Variants in DYSF observed in about 807,000 individuals in gnomAD.
DYSF encodes dysferlin.
Under a neutral mutation model 274.9 loss-of-function variants are expected in DYSF, and 212 were observed. The ratio of observed to expected loss-of-function variants is 0.77; its 90% CI spans 0.69 to 0.86. The LOEUF is 0.86. Ranked by LOEUF, DYSF falls within the 40% of genes least tolerant of loss-of-function variation. The pLI is 0.00. For missense variants in DYSF, 2,666 were observed against 2,783.2 expected, an observed-to-expected ratio of 0.96 and a Z score of 0.95; for synonymous variants, 1,091 against 1,078.7, an observed-to-expected ratio of 1.01 and a Z score of -0.22.
chr2:71,537,740 A>G (rs2089528720), intron 16 of DYSF, among the ~76,000 whole-genome samples: 1 of 152,186 alleles, frequency 6.6e-6, no homozygotes, highest in Admixed American at 6.5e-5. Flanking sequence ...TAGGGTTAGG[A>G]TTTCAAAGAA....
chr2:71,617,731 AGGT>A (rs2093925171), intron 40 of DYSF, among the ~76,000 whole-genome samples: 2 of 106,174 alleles, frequency 1.9e-5, no homozygotes, highest in Admixed American at 9.7e-5. Flanking sequence ...TGTGTGGTAG[AGGT>A]GGTGTGTGTG....
chr2:71,453,731 A>G, exon 1 of DYSF: 3 of 536,652 alleles, frequency 5.6e-6, no homozygotes, highest in Non-Finnish European at 1.0e-5. Flanking sequence ...GGGGTGGAAG[A>G]TGAGCAGAAG....
intron 3 of DYSF, among the ~76,000 whole-genome samples, chr2:71,486,123 G>A (rs1394519868): frequency 6.6e-6 from 1 of 151,946 alleles, no homozygotes; most frequent in Non-Finnish European, 1.5e-5. Context: ...TTCCAGTGAG[G>A]GTCCCCGGAG....
At chr2:71,466,673 C>T (rs931348559), upstream of DYSF, 1 of 1,350,482 alleles carries the variant, frequency 7.4e-7, no homozygotes, top group South Asian at 1.9e-5. Context: ...CGGTGTCCTC[C>T]CTGCAGCCTC....
intron 14 of DYSF, among the ~76,000 whole-genome samples, chr2:71,530,843 C>G (rs2088614332): frequency 1.3e-5 from 2 of 152,106 alleles, no homozygotes; most frequent in South Asian, 4.1e-4. Context: ...ACACCCTAAG[C>G]TGAAGAGCCC....
intron 27 of DYSF, 144 bp downstream of exon 27, chr2:71,570,078 G>C: frequency 9.5e-7 from 1 of 1,056,188 alleles, no homozygotes; most frequent in Non-Finnish European, 1.5e-6. Context: ...GGGAAAGTGT[G>C]GGGTGCAGTG....
intron 24 of DYSF, among the ~76,000 whole-genome samples, chr2:71,566,353 C>CAA (rs773800974): frequency 0.015 from 729 of 49,754 alleles, 17 homozygotes; most frequent in African/African-American, 0.042. Flanking sequence ...TGGTTTCAAG[C>CAA]AAAAAAAAAA....
intron 22 of DYSF, among the ~76,000 whole-genome samples, chr2:71,560,381 C>T (rs532782059): frequency 6.8e-6 from 1 of 146,006 alleles, no homozygotes; most frequent in Non-Finnish European, 1.5e-5. Flanking sequence ...CGCTTGCCCC[C>T]GCTCTCAGGC....
At chr2:71,521,366 A>C (rs1191922795) in intron 12 of DYSF, among the ~76,000 whole-genome samples, 1 of 152,236 alleles carries the variant, frequency 6.6e-6, no homozygotes, top group Non-Finnish European at 1.5e-5. Flanking sequence ...GAAGAGGAGA[A>C]AAGGTTTGGA....
chr2:71,614,503 T>C (rs2093839776), intron 40 of DYSF, among the ~76,000 whole-genome samples: 1 of 152,200 alleles, frequency 6.6e-6, no homozygotes, highest in Admixed American at 6.5e-5. Context: ...GTCCAACTCT[T>C]GATCATTGTT....
intron 14 of DYSF, among the ~76,000 whole-genome samples, chr2:71,530,213 G>A (rs1032383390): frequency 6.6e-6 from 1 of 152,214 alleles, no homozygotes; most frequent in African/African-American, 2.4e-5. Context: ...GCGGCTGTAC[G>A]TTTTTGTGGG....
chr2:71,508,503 TAAC>T (rs1328453852), intron 4 of DYSF, among the ~76,000 whole-genome samples: 1 of 152,260 alleles, frequency 6.6e-6, no homozygotes, highest in Non-Finnish European at 1.5e-5. Context: ...TTGACTTTTA[TAAC>T]CTTGTAGCTG....
intron 3 of DYSF, among the ~76,000 whole-genome samples, chr2:71,499,493 A>G (rs745722857): frequency 6.6e-6 from 1 of 152,260 alleles, no homozygotes; most frequent in Non-Finnish European, 1.5e-5. Flanking sequence ...ATTAAAATAA[A>G]TTGACTTGGC....
At chr2:71,609,008 G>A (rs2093699263) in intron 36 of DYSF, among the ~76,000 whole-genome samples, 1 of 152,030 alleles carries the variant, frequency 6.6e-6, no homozygotes, top group Non-Finnish European at 1.5e-5. Flanking sequence ...AGCCATAAGG[G>A]GCCATGAACA....
At chr2:71,539,770 GTATTTA>G (rs1473986654) in intron 17 of DYSF, among the ~76,000 whole-genome samples, 2 of 152,134 alleles carry the variant, frequency 1.3e-5, no homozygotes, top group Admixed American at 1.3e-4. Flanking sequence ...GAAGATGTGT[GTATTTA>G]ATACATGGGT....
intron 1 of DYSF, among the ~76,000 whole-genome samples, chr2:71,458,201 T>C (rs1178135306): frequency 6.6e-6 from 1 of 152,236 alleles, no homozygotes; most frequent in East Asian, 1.9e-4. Flanking sequence ...TGTTAGTCCA[T>C]ATAAAGCACT....
intron 42 of DYSF, among the ~76,000 whole-genome samples, chr2:71,644,981 C>T (rs968645213): frequency 3.9e-5 from 6 of 152,124 alleles, no homozygotes; most frequent in African/African-American, 1.4e-4. Context: ...CTTCAGTGCC[C>T]TGCTGCTCAC....
intron 45 of DYSF, among the ~76,000 whole-genome samples, chr2:71,663,120 G>A (rs2094931174): frequency 6.6e-6 from 1 of 150,824 alleles, no homozygotes; most frequent in East Asian, 1.9e-4. Context: ...TTCCTGCTCT[G>A]GCTGACCTCT....
At position 71,668,754 on chromosome 2, in the gene DYSF, G is replaced by A; in HGVS notation, c.5458G>A (p.Gly1820Arg). Residue 1820 changes from glycine to arginine, a missense_variant and splice_region_variant, in exon 49 of 56, where the codon GGG (glycine) becomes AGG (arginine). Around this residue, in one of 3 missense-constraint regions of DYSF, gnomAD observed 1,460 missense variants for 1,502.1 expected, o/e 0.97. Transcript: ENST00000410020. ...YSPLQPDIEQ[G>R]KLQMWVDLFP... ...GAGAGAACGGACCCTGTCTCCGCAGGGGAAGCTGCAGATGTGGGTCGACCT... is the reference window on the plus strand; with the variant it reads ...GAGAGAACGGACCCTGTCTCCGCAGAGGAAGCTGCAGATGTGGGTCGACCT... 1 of 1,613,610 alleles carries A rather than the reference G, an allele frequency of 6.2e-7. No homozygotes were observed. The highest frequency in any genetic ancestry group is 8.5e-7 in the Non-Finnish European group (1 of 1,179,880).
Sources: gnomAD v4.1 joint callset for allele counts (sites outside exome capture counted in the v4.1 genomes callset) on GRCh38, gnomAD v4.1.1 for gene constraint, gnomAD v4.1.1 regional missense constraint, MANE v1.5 for transcripts, NCBI Gene and HGNC (gene_info 2026-07-23, HGNC 2026-07-21) for gene names.